Variants in ADGRE3 observed in about 807,000 individuals in gnomAD.
ADGRE3 encodes the protein adhesion G protein-coupled receptor E3.
A neutral mutation model predicts 80.1 loss-of-function variants in ADGRE3; 88 were observed. That is an observed-to-expected ratio of 1.10 (90% CI 0.93 to 1.31). The LOEUF is 1.31. Ranked by LOEUF, ADGRE3 falls within the 40% of genes most tolerant of loss-of-function variation. The pLI, the probability that ADGRE3 is intolerant of heterozygous loss-of-function variation, is 0.00. For synonymous variants in ADGRE3, 281 were observed against 294.8 expected, an observed-to-expected ratio of 0.95 and a Z score of 0.48; for missense variants, 715 against 776.5, an observed-to-expected ratio of 0.92 and a Z score of 0.94.
chr19:14,615,199 C>CTTTTTTTTTTTTTTTTTTTTTT (rs1227946914), downstream of ADGRE3, among the ~76,000 whole-genome samples: 3 of 91,024 alleles, frequency 3.3e-5, 1 homozygote, highest in Non-Finnish European at 2.4e-5. Context: ...CTACAGCTGC[C>CTTTTTTTTTTTTTTTTTTTTTT]TTCTTTTTTT....
intron 11 of ADGRE3, among the ~76,000 whole-genome samples, chr19:14,637,252 G>A (rs1971115163): frequency 6.6e-6 from 1 of 152,024 alleles, no homozygotes; most frequent in South Asian, 2.1e-4. Flanking sequence ...TGATGATTTT[G>A]TCTGCTGTAC....
chr19:14,620,568 A>ATATATATATTTTTTT (rs1435435269), intron 15 of ADGRE3, among the ~76,000 whole-genome samples: 2 of 11,054 alleles, frequency 1.8e-4, no homozygotes, highest in East Asian at 2.9e-3. Flanking sequence ...ATATATATAT[A>ATATATATATTTTTTT]TTTTTTTTTT....
chr19:14,630,463 C>G (rs1016495335), intron 13 of ADGRE3, among the ~76,000 whole-genome samples: 9 of 151,942 alleles, frequency 5.9e-5, no homozygotes, highest in Admixed American at 2.6e-4. Flanking sequence ...GGCTGGAGCA[C>G]AATGACATGA....
chr19:14,667,154 G>C (rs1466542401), intron 2 of ADGRE3, among the ~76,000 whole-genome samples: 2 of 152,136 alleles, frequency 1.3e-5, no homozygotes, highest in African/African-American at 4.8e-5. Context: ...CTGTTGTCTG[G>C]GGGAGGCTTG....
In ADGRE3 at chr19:14,636,081, C is replaced by CTTTCTTTCTTTCTTTTTCTTTCTTT. The variant is rs1555755785; in HGVS notation, c.1484+2023_1484+2024insAAAGAAAGAAAAAGAAAGAAAGAAA. ...CCTTCCTTTCCTTTCCTTTCCTTTC[C>CTTTCTTTCTTTCTTTTTCTTTCTTT]CTTTCTTTCTTTCTTTCTTTCTTTC... On this transcript the variant is annotated intron_variant, in intron 11 of 15. Transcript: ENST00000253673. 2.0e-3 allele frequency among the ~76,000 whole-genome samples: 50 copies of CTTTCTTTCTTTCTTTTTCTTTCTTT among 24,676 alleles called. 3 individuals are homozygous for CTTTCTTTCTTTCTTTTTCTTTCTTT. The highest frequency in any genetic ancestry group is 7.4e-3 in the East Asian group (5 of 676). 16.2% of individuals were successfully genotyped at this position (24,676 alleles called of 152,430 possible).
chr19:14,641,268 C>T, intron 10 of ADGRE3, 151 bp downstream of exon 10: 1 of 908,432 alleles, frequency 1.1e-6, no homozygotes, highest in Non-Finnish European at 1.7e-6. Flanking sequence ...TACATGGGTC[C>T]CAGCTACGAT....
chr19:14,670,396 A>T (rs1419592983), intron 1 of ADGRE3, among the ~76,000 whole-genome samples: 1 of 152,206 alleles, frequency 6.6e-6, no homozygotes, highest in African/African-American at 2.4e-5. Flanking sequence ...CTTCCATCAT[A>T]TTCCCTTGGT....
intron 3 of ADGRE3, among the ~76,000 whole-genome samples, chr19:14,662,493 C>T (rs1356825760): frequency 6.6e-6 from 1 of 152,132 alleles, no homozygotes; most frequent in Non-Finnish European, 1.5e-5. Flanking sequence ...TCAAGCGATT[C>T]TCCTGCCTCA....
At chr19:14,604,477 A>T in the ADGRE3 span, among the ~76,000 whole-genome samples, 1 of 152,124 alleles carries the variant, frequency 6.6e-6, no homozygotes, top group African/African-American at 2.4e-5. Context: ...AAGAATGTTT[A>T]AAGTCGGCCG....
downstream of ADGRE3, among the ~76,000 whole-genome samples, chr19:14,617,318 TTGCTTCCCTCCC>T (rs1463499963): frequency 1.5e-5 from 1 of 67,524 alleles, no homozygotes. Flanking sequence ...TCTCTTCCCC[TTGCTTCCCTCCC>T]TCCCTCCCTC....
At chr19:14,670,804 G>A (rs1972234497) in intron 1 of ADGRE3, among the ~76,000 whole-genome samples, 2 of 152,204 alleles carry the variant, frequency 1.3e-5, no homozygotes, top group Non-Finnish European at 1.5e-5. Context: ...GCTAGTCAGT[G>A]GCAGAGCTGA....
At chr19:14,666,378 ATTT>A (rs34328222) in intron 2 of ADGRE3, among the ~76,000 whole-genome samples, 6 of 143,492 alleles carry the variant, frequency 4.2e-5, no homozygotes, top group Admixed American at 7.0e-5. Flanking sequence ...TTCTTGGCCT[ATTT>A]TTTTTTTTTT....
At chr19:14,600,625 A>C in the ADGRE3 span, among the ~76,000 whole-genome samples, 1 of 150,746 alleles carries the variant, frequency 6.6e-6, no homozygotes, top group Non-Finnish European at 1.5e-5. Flanking sequence ...TCTTTCACCC[A>C]GGCTGGAGTG....
At chr19:14,644,323 TTC>T in intron 8 of ADGRE3, 48 bp from the exon 9 acceptor site, 6 of 1,347,806 alleles carry the variant, frequency 4.5e-6, no homozygotes, top group East Asian at 2.8e-5. Flanking sequence ...CTTTCTTTCT[TTC>T]TTTTTTTTTT....
chr19:14,617,918 A>C (rs2075091929), downstream of ADGRE3, among the ~76,000 whole-genome samples: 1 of 152,134 alleles, frequency 6.6e-6, no homozygotes, highest in African/African-American at 2.4e-5. Context: ...AGAAAAATAA[A>C]AATCATCCAG....
At chr19:14,602,389 A>G in the ADGRE3 span, among the ~76,000 whole-genome samples, 1 of 152,084 alleles carries the variant, frequency 6.6e-6, no homozygotes, top group Non-Finnish European at 1.5e-5. Context: ...TCCTGGGCTC[A>G]AGTGATTATC....
chr19:14,647,675 C>T (rs1326500626), intron 7 of ADGRE3, among the ~76,000 whole-genome samples: 1 of 151,634 alleles, frequency 6.6e-6, no homozygotes, highest in Admixed American at 6.6e-5. Flanking sequence ...GTCTTGGTCT[C>T]CCAAAGTGCT....
Position 14,641,519 on chromosome 19 carries a change from G to T in ADGRE3, c.1148C>A (p.Ala383Asp), listed in dbSNP as rs749436271. The change falls in exon 10 of 16, where the codon GCC becomes GAC. Residue 383 changes from alanine to aspartate, a missense_variant. Coordinates refer to ENST00000253673, the MANE Select transcript of ADGRE3 (RefSeq NM_032571.5). Reference sequence around the variant, plus strand: ...CAGTGAGGTGCTGGTGTTCCGGATGGCTTTACACAGGAGAAAAGTGAGGGC... The same window carrying T: ...CAGTGAGGTGCTGGTGTTCCGGATGTCTTTACACAGGAGAAAAGTGAGGGC... ...LAALTFLLCKAIRNTSTSLHL... is the reference protein window; with the variant it reads ...LAALTFLLCKDIRNTSTSLHL... 1.9e-6 allele frequency: 3 copies of T among 1,613,654 alleles called. No individual in the cohort carries two copies. In the African/African-American group the frequency reaches 4.0e-5, roughly 22 times the overall value.
At chr19:14,658,868 G>A (rs1377107909) in intron 4 of ADGRE3, among the ~76,000 whole-genome samples, 1 of 151,884 alleles carries the variant, frequency 6.6e-6, no homozygotes, top group Non-Finnish European at 1.5e-5. Flanking sequence ...CTGAGTAGCT[G>A]GGATTACAGG....
Sources: gnomAD v4.1 joint callset for allele counts (sites outside exome capture counted in the v4.1 genomes callset) on GRCh38, gnomAD v4.1.1 for gene constraint, MANE v1.5 for transcripts, NCBI Gene and HGNC (gene_info 2026-07-23, HGNC 2026-07-21) for gene names.